Variants in GFPT2 observed in about 807,000 individuals in gnomAD.
The protein encoded by GFPT2 is glutamine--fructose-6-phosphate aminotransferase [isomerizing] 2.
A neutral mutation model predicts 85.6 loss-of-function variants in GFPT2; 62 were observed. The ratio of observed to expected loss-of-function variants is 0.72; its 90% CI spans 0.59 to 0.90. The LOEUF is 0.90. Among genes scored for constraint, GFPT2 ranks in the 40% least tolerant of loss-of-function variants. The pLI, the probability that GFPT2 is intolerant of heterozygous loss-of-function variation, is 0.00. For missense variants in GFPT2, 788 were observed against 893.4 expected (o/e 0.88, Z 1.50); for synonymous variants, 368 against 344.5 (o/e 1.07, Z -0.75).
At chr5:180,334,070 A>G (rs1764354740) in intron 4 of GFPT2, among the ~76,000 whole-genome samples, 1 of 152,176 alleles carries the variant, frequency 6.6e-6, no homozygotes, top group Admixed American at 6.5e-5. Flanking sequence ...GGTCCTCAGC[A>G]CCATGGGGTC....
At position 180,301,184 on chromosome 5, in the gene GFPT2, T is replaced by C. The variant is rs767402898; in HGVS notation, c.*380A>G. ...GTTACCACGGCTACAGAAAGCCACA[T>C]ACTAGAAAAATAACTTAAAAGCTAT... is the stretch of plus-strand genomic sequence containing the variant. On this transcript the variant is annotated 3_prime_UTR_variant, in exon 19 of 19. Coordinates refer to ENST00000253778, the MANE Select transcript of GFPT2 (RefSeq NM_005110.4). The C allele has an allele frequency of 8.5e-6, 2 of 234,092 alleles. No homozygotes were observed. Among genetic ancestry groups the C allele is most frequent in the Non-Finnish European group, 1.7e-5 (2 of 120,154 alleles). The allele number at this position is 234,092 out of a possible 1,614,324, so 14.5% of individuals were successfully genotyped here. A position where few individuals can be genotyped will look rare whatever the true frequency, so the allele number is the denominator to read the frequency against.
rs1763949769 is a variant in GFPT2 at position 180,313,864 on chromosome 5, C to G, written c.1374G>C (p.Glu458Asp). Residue 458 changes from glutamate to aspartate, a missense_variant, in exon 14 of 19, where the codon GAG becomes GAC. Physicochemically the swap from Glu to Asp is conservative, Grantham distance 45. Transcript: ENST00000253778. ...CGTTGATGTGGACGCCGCAGTCGGT[C>G]TCGCGAGAGATGGAGCTGCCCACGG... is the stretch of plus-strand genomic sequence containing the variant. ...TNTVGSSISR[E>D]TDCGVHINAG... is the part of the protein sequence containing the mutation. The G allele has an allele frequency of 6.2e-7, 1 of 1,603,330 alleles. No individual in the cohort carries two copies. The highest frequency in any genetic ancestry group is 2.2e-5 in the East Asian group (1 of 44,698).
intron 16 of GFPT2, 102 bp from the exon 17 acceptor site, chr5:180,305,041 G>T (rs938449792): frequency 1.2e-6 from 1 of 830,644 alleles, no homozygotes; most frequent in Non-Finnish European, 2.0e-6. Flanking sequence ...GACTCTGGAA[G>T]GCAGAGAGCC....
In GFPT2 at chr5:180,320,632, G is replaced by C. The variant is rs139667927; in HGVS notation, c.795-1676C>G. Among the ~76,000 whole-genome samples, 1,467 of 152,244 alleles carry C rather than the reference G, an allele frequency of 9.6e-3. 30 individuals carry two copies. Among genetic ancestry groups the C allele is most frequent in the African/African-American group, 0.034 (1,414 of 41,556 alleles). Reference sequence around the variant, plus strand: ...TACTAAAAATACAAAAATTAGCCAGGTGTGGTGGCGGGCACCTGTAATCCC... The same window carrying C: ...TACTAAAAATACAAAAATTAGCCAGCTGTGGTGGCGGGCACCTGTAATCCC... On this transcript the variant is annotated intron_variant, in intron 9 of 18. Coordinates refer to ENST00000253778, the MANE Select transcript of GFPT2 (RefSeq NM_005110.4).
At position 180,316,786 on chromosome 5, in the gene GFPT2, G is replaced by A; in HGVS notation, c.1130C>T (p.Thr377Ile). 2 of 1,613,414 alleles carry A rather than the reference G, an allele frequency of 1.2e-6. No homozygotes were observed. Among genetic ancestry groups the A allele is most frequent in the African/African-American group, 1.3e-5 (1 of 75,016 alleles). ...TACAGCCACGGCAGCGTGGTAGCTG[G>A]TTCCACAGCCAATCACGATGAGCCG... The part of the protein sequence containing the change: ...CRRLIVIGCG[T>I]SYHAAVATRQ... Residue 377 changes from threonine (T) to isoleucine (I), a missense_variant, in exon 12 of 19, where the codon ACC (threonine) becomes ATC (isoleucine). By Grantham distance (89) the Thr-to-Ile change is moderately conservative. Transcript: ENST00000253778.
Position 180,322,861 on chromosome 5 carries a change from C to A in GFPT2, c.794+1327G>T, listed in dbSNP as rs536157751. Among the ~76,000 whole-genome samples the A allele has an allele frequency of 2.6e-5, 4 of 151,900 alleles. No homozygotes were observed. The South Asian group carries it at 8.3e-4, about 32-fold the overall frequency. On this transcript the variant is annotated intron_variant, in intron 9 of 18. Coordinates refer to ENST00000253778, the MANE Select transcript of GFPT2 (RefSeq NM_005110.4). ...ACAATCCTGGCTAACACAGTGAAAC[C>A]CCATCTCTACTAAAAATACAAAAAA...
In GFPT2 at chr5:180,331,500, A is replaced by G. The variant is rs761173916; in HGVS notation, c.394T>C (p.Phe132Leu). ...ACCTAGGGGAAGCATCTTACCAGAA[A>G]TTTCCTCAGATCTTTGTAATTTGTG... ...IITNYKDLRK[F>L]LESKGYEFES... Residue 132 changes from phenylalanine (F) to leucine (L), a missense_variant, in exon 5 of 19, where the codon TTT becomes CTT. By Grantham distance (22) the Phe-to-Leu change is conservative. Coordinates refer to ENST00000253778, the MANE Select transcript of GFPT2 (RefSeq NM_005110.4). The G allele has an allele frequency of 1.1e-5, 17 of 1,577,106 alleles. No homozygotes were observed. Among genetic ancestry groups the G allele is most frequent in the Non-Finnish European group, 7.9e-6 (9 of 1,146,346 alleles).
At chr5:180,333,858 A>T (rs1764352087) in intron 4 of GFPT2, among the ~76,000 whole-genome samples, 1 of 152,088 alleles carries the variant, frequency 6.6e-6, no homozygotes, top group Admixed American at 6.5e-5. Flanking sequence ...TGCTTTGGGG[A>T]CACAATGAGA....
At position 180,301,542 on chromosome 5, in the gene GFPT2, T is replaced by TG; in HGVS notation, c.*21dup. On this transcript the variant is annotated 3_prime_UTR_variant, in exon 19 of 19. Transcript: ENST00000253778. Reference sequence around the variant, plus strand: ...TCTGGAATCAGATGAAAGGTGGTGATGGTCTTGTCACGGTCTCAGCCTCAT... The same window carrying TG: ...TCTGGAATCAGATGAAAGGTGGTGATGGGTCTTGTCACGGTCTCAGCCTCAT... 1 of 1,599,072 alleles carries TG rather than the reference T, an allele frequency of 6.3e-7. No individual in the cohort carries two copies. Among genetic ancestry groups the TG allele is most frequent in the Non-Finnish European group, 8.6e-7 (1 of 1,166,220 alleles).
At chr5:180,351,198 C>T (rs574611249) in intron 1 of GFPT2, among the ~76,000 whole-genome samples, 2 of 152,150 alleles carry the variant, frequency 1.3e-5, no homozygotes, top group Non-Finnish European at 2.9e-5. Flanking sequence ...GACCATCATC[C>T]CCCCCAAACA....
intron 16 of GFPT2, among the ~76,000 whole-genome samples, chr5:180,306,152 T>G (rs1029320996): frequency 2.0e-5 from 3 of 151,840 alleles, no homozygotes; most frequent in Non-Finnish European, 4.4e-5. Context: ...GCCCAGCTAG[T>G]TTTTGAATTT....
chr5:180,334,757 C>A (rs1021155982), intron 4 of GFPT2, among the ~76,000 whole-genome samples: 1 of 152,150 alleles, frequency 6.6e-6, no homozygotes, highest in Non-Finnish European at 1.5e-5. Flanking sequence ...GAGTGGGGGA[C>A]CCCCTGGAAG....
rs967960398 is a variant in GFPT2, at chr5:180,350,805, G to C, written c.7+2406C>G. 3.3e-5 allele frequency among the ~76,000 whole-genome samples: 5 copies of C among 152,212 alleles called. No individual in the cohort carries two copies. The South Asian group carries it at 1.0e-3, about 32-fold the overall frequency. On this transcript the variant is annotated intron_variant, in intron 1 of 18. Coordinates refer to ENST00000253778, the MANE Select transcript of GFPT2 (RefSeq NM_005110.4). ...TGTTTGTAGAGGATCAACTACTGCCGAGTCCTGGCTTCCCATGAGAGAAGC... is the reference window on the plus strand; with the variant it reads ...TGTTTGTAGAGGATCAACTACTGCCCAGTCCTGGCTTCCCATGAGAGAAGC...
Position 180,312,434 on chromosome 5 carries a change from T to A in GFPT2, c.1542A>T (p.Leu514Phe), listed in dbSNP as rs758597326. The change falls in exon 15 of 19, where the codon TTA (leucine) becomes TTT (phenylalanine). Residue 514 changes from leucine (L) to phenylalanine (F), a missense_variant. Physicochemically the swap from Leu to Phe is conservative, Grantham distance 22. Coordinates refer to ENST00000253778, the MANE Select transcript of GFPT2 (RefSeq NM_005110.4). ...AAGCTGAATTCTAGAACATACCAGG[T>A]AAAGATCTCAAGCCACGGATGATCT... Reference protein sequence around the residue: ...RQEIIRGLRSLPELIKEVLSL... With the variant: ...RQEIIRGLRSFPELIKEVLSL... The A allele has an allele frequency of 7.1e-6, 11 of 1,543,594 alleles. No homozygotes were observed. In the African/African-American group the frequency reaches 1.4e-4, roughly 19 times the overall value.
rs147564478 is a variant in GFPT2 at position 180,330,905 on chromosome 5, C to T, written c.400-71G>A. The T allele has an allele frequency of 5.0e-6, 7 of 1,401,866 alleles. No homozygotes were observed. In the African/African-American group the frequency reaches 8.5e-5, roughly 17 times the overall value. The allele number at this position is 1,401,866 out of a possible 1,614,324, so 86.8% of individuals were successfully genotyped here. On this transcript the variant is annotated intron_variant, in intron 5 of 18. Transcript: ENST00000253778. The surrounding 1 kb of genome is among the most constrained non-coding windows in gnomAD (Gnocchi z 4.4). ...ATGCCTGCCTGGCCAACTCCCTCTCCTCCCTGGTGATCTGCCCTTGGAGTG... is the reference window on the plus strand; with the variant it reads ...ATGCCTGCCTGGCCAACTCCCTCTCTTCCCTGGTGATCTGCCCTTGGAGTG...
chr5:180,324,949 G>T, intron 7 of GFPT2, 54 bp from the exon 8 acceptor site: 2 of 1,098,974 alleles, frequency 1.8e-6, no homozygotes, highest in Non-Finnish European at 2.8e-6. Flanking sequence ...CCCAGTGCTG[G>T]GTGTCTGCCC....
chr5:180,315,008 G>C (rs1024536115), intron 13 of GFPT2, among the ~76,000 whole-genome samples: 1 of 152,180 alleles, frequency 6.6e-6, no homozygotes, highest in African/African-American at 2.4e-5. Flanking sequence ...TCATAAGGTG[G>C]TGGGCCGGAT....
chr5:180,343,073 G>C (rs1224015067), intron 1 of GFPT2, among the ~76,000 whole-genome samples: 3 of 152,138 alleles, frequency 2.0e-5, no homozygotes, highest in Non-Finnish European at 4.4e-5. Flanking sequence ...GGCATCCTGG[G>C]CTGGGAATGT....
At chr5:180,316,690 G>A (rs1317533006) in intron 12 of GFPT2, 74 bp downstream of exon 12, 2 of 1,094,536 alleles carry the variant, frequency 1.8e-6, no homozygotes, top group East Asian at 2.5e-5. Flanking sequence ...AAGGCCACAT[G>A]AGTGATAAAA....
Sources: gnomAD v4.1 joint callset for allele counts (sites outside exome capture counted in the v4.1 genomes callset) on GRCh38, gnomAD v4.1.1 for gene constraint, Gnocchi (gnomAD v3.1) non-coding constraint, MANE v1.5 for transcripts, NCBI Gene and HGNC (gene_info 2026-07-23, HGNC 2026-07-21) for gene names.